Variants in GSAP observed in about 807,000 individuals in gnomAD.
GSAP encodes gamma-secretase-activating protein.
Under a neutral mutation model 131.7 loss-of-function variants are expected in GSAP, and 118 were observed. The ratio of observed to expected loss-of-function variants is 0.90; its 90% CI spans 0.77 to 1.04. The LOEUF is 1.04. GSAP is among the 50% of genes least tolerant of loss of function. The pLI is 0.00. For synonymous variants in GSAP, 381 were observed against 363.4 expected, an observed-to-expected ratio of 1.05 and a Z score of -0.55; for missense variants, 1,019 against 1,013.2, an observed-to-expected ratio of 1.01 and a Z score of -0.08.
chr7:77,330,614 C>T, intron 19 of GSAP: 1 of 1,040,464 alleles, frequency 9.6e-7, no homozygotes, highest in Non-Finnish European at 1.2e-6. Context: ...TTTTAAACCA[C>T]ATAGAGAACT....
At chr7:77,392,856 T>C (rs1799801277) in intron 5 of GSAP, among the ~76,000 whole-genome samples, 1 of 152,116 alleles carries the variant, frequency 6.6e-6, no homozygotes, top group African/African-American at 2.4e-5. Flanking sequence ...GAGAGGGAGT[T>C]CTGGAAAATC....
chr7:77,357,433 T>C (rs563702733), intron 14 of GSAP, among the ~76,000 whole-genome samples: 2 of 152,160 alleles, frequency 1.3e-5, no homozygotes, highest in East Asian at 1.9e-4. Context: ...AAAGTCCTTA[T>C]GAGAGGGAGA....
rs567448225 is a variant in GSAP at position 77,397,502 on chromosome 7, T to TA, written c.244-88dup. ...CATAAATTCCCATTAAGCTCTGTGCTAAGTATTACTGGGGCAAAATATTTT... is the reference window on the plus strand; with the variant it reads ...CATAAATTCCCATTAAGCTCTGTGCTAAAGTATTACTGGGGCAAAATATTTT... On this transcript the variant is annotated intron_variant, in intron 3 of 30. Coordinates refer to ENST00000257626, the MANE Select transcript of GSAP (RefSeq NM_017439.4). The TA allele has an allele frequency of 1.2e-3, 861 of 729,488 alleles. 2 individuals carry two copies. Among genetic ancestry groups the TA allele is most frequent in the Non-Finnish European group, 1.7e-3 (736 of 432,696 alleles). The allele number at this position is 729,488 out of a possible 1,614,324, so 45.2% of individuals were successfully genotyped here.
At chr7:77,346,537 CA>C (rs200707510) in intron 19 of GSAP, among the ~76,000 whole-genome samples, 1,743 of 107,748 alleles carry the variant, frequency 0.016, 12 homozygotes, top group African/African-American at 0.034. Context: ...CTGTCTCTAC[CA>C]AAAAAAAAAA....
At chr7:77,371,211 C>A (rs1320050097) in intron 12 of GSAP, among the ~76,000 whole-genome samples, 1 of 152,186 alleles carries the variant, frequency 6.6e-6, no homozygotes, top group Non-Finnish European at 1.5e-5. Flanking sequence ...AACGACACTA[C>A]TGTTCACTCA....
At chr7:77,321,222 T>C in intron 25 of GSAP, 111 bp downstream of exon 25, 1 of 713,938 alleles carries the variant, frequency 1.4e-6, no homozygotes, top group African/African-American at 1.8e-5. Context: ...CTAGATGGTG[T>C]TGAAGCTGGT....
rs777067658 is a variant in GSAP at position 77,362,662 on chromosome 7, T to C, written c.872-2A>G. ...GGCTGTAACATACACACAAACTTCC[T>C]AGAAGAAAAAGGATATTTAGTAGAG... On this transcript the variant is annotated splice_acceptor_variant, in intron 12 of 30. Transcript: ENST00000257626. LOFTEE classifies it high-confidence loss of function. 2 of 1,538,782 alleles carry C rather than the reference T, an allele frequency of 1.3e-6. No individual in the cohort carries two copies. The highest frequency in any genetic ancestry group is 2.2e-5 in the South Asian group (2 of 89,026).
intron 12 of GSAP, 151 bp from the exon 13 acceptor site, chr7:77,362,811 C>T (rs1794738361): frequency 5.1e-6 from 3 of 589,596 alleles, no homozygotes; most frequent in Non-Finnish European, 9.2e-6. Flanking sequence ...GGTCTATTAA[C>T]AAGTTGCTAA....
intron 6 of GSAP, among the ~76,000 whole-genome samples, chr7:77,385,158 C>G (rs911775211): frequency 6.6e-6 from 1 of 151,956 alleles, no homozygotes. Context: ...CTCAGCCACC[C>G]GAGTAGATGG....
intron 24 of GSAP, among the ~76,000 whole-genome samples, chr7:77,322,526 C>T (rs1168230289): frequency 4.7e-5 from 7 of 150,066 alleles, no homozygotes; most frequent in African/African-American, 1.5e-4. Context: ...AGTAAGATTT[C>T]GAGTCAACAG....
rs1234552987 is a variant in GSAP at position 77,355,766 on chromosome 7, T to C, written c.1028-119A>G. The C allele has an allele frequency of 5.2e-6, 3 of 579,608 alleles. No individual in the cohort carries two copies. The East Asian group carries it at 8.7e-5, about 17-fold the overall frequency. The allele number at this position is 579,608 out of a possible 1,614,324, so 35.9% of individuals were successfully genotyped here. On this transcript the variant is annotated intron_variant, in intron 14 of 30. Transcript: ENST00000257626. ...AAAGGCAAAAGTTTTACCAATGTAATAAGCTATCTAATGACAGCCCGTTTT... is the reference window on the plus strand; with the variant it reads ...AAAGGCAAAAGTTTTACCAATGTAACAAGCTATCTAATGACAGCCCGTTTT...
chr7:77,314,344 ACT>A, intron 27 of GSAP, 24 bp downstream of exon 27: 1 of 1,612,478 alleles, frequency 6.2e-7, no homozygotes, highest in South Asian at 1.1e-5. Flanking sequence ...TGGAACTAGC[ACT>A]CTGGCAAACT....
chr7:77,390,458 T>G (rs928405129), intron 5 of GSAP, among the ~76,000 whole-genome samples: 37 of 152,210 alleles, frequency 2.4e-4, no homozygotes, highest in Non-Finnish European at 5.0e-4. Flanking sequence ...AATTAATTTT[T>G]GTATAAGGTG....
At chr7:77,349,921 C>T (rs1354117293) in intron 18 of GSAP, among the ~76,000 whole-genome samples, 1 of 152,066 alleles carries the variant, frequency 6.6e-6, no homozygotes, top group African/African-American at 2.4e-5. Flanking sequence ...GTAGGAGCCC[C>T]CCATACCCAA....
intron 5 of GSAP, among the ~76,000 whole-genome samples, chr7:77,394,407 C>A (rs1021053865): frequency 6.6e-6 from 1 of 152,200 alleles, no homozygotes; most frequent in Non-Finnish European, 1.5e-5. Context: ...TAGCCTCGTG[C>A]TTGTTCCATC....
At chr7:77,342,388 C>G (rs1484325443) in intron 19 of GSAP, among the ~76,000 whole-genome samples, 1 of 152,178 alleles carries the variant, frequency 6.6e-6, no homozygotes, top group Admixed American at 6.5e-5. Context: ...AACTCTGGTG[C>G]CAACTTGGAC....
intron 8 of GSAP, chr7:77,379,752 C>T (rs911622100): frequency 2.4e-5 from 9 of 379,110 alleles, no homozygotes; most frequent in African/African-American, 6.6e-5. Flanking sequence ...TGACTCCTGG[C>T]CCTCTCTGTC....
chr7:77,333,484 G>C (rs564325106), intron 19 of GSAP, among the ~76,000 whole-genome samples: 6 of 152,276 alleles, frequency 3.9e-5, no homozygotes, highest in African/African-American at 1.4e-4. Context: ...AATTGGCTTG[G>C]GGTATGCCTG....
At chr7:77,405,281 C>G (rs1802068775) in intron 2 of GSAP, among the ~76,000 whole-genome samples, 1 of 152,160 alleles carries the variant, frequency 6.6e-6, no homozygotes, top group Admixed American at 6.5e-5. Flanking sequence ...GCCTGGGTGA[C>G]AGGGCAAGAC....
Sources: allele counts gnomAD v4.1 joint callset (sites outside exome capture counted in the v4.1 genomes callset), GRCh38; gene constraint gnomAD v4.1.1; transcripts MANE v1.5; gene names NCBI Gene and HGNC (gene_info 2026-07-23, HGNC 2026-07-21).